The following CEP164 variants were observed in gnomAD, a reference collection of about 807,000 sequenced individuals.
The protein encoded by CEP164 is centrosomal protein of 164 kDa.
Under a neutral mutation model 182.7 loss-of-function variants are expected in CEP164, and 162 were observed. That is an observed-to-expected ratio of 0.89 (90% CI 0.78 to 1.01). The LOEUF (loss-of-function observed/expected upper bound fraction) is 1.01. Ranked by LOEUF, CEP164 falls within the 50% of genes least tolerant of loss-of-function variation. The pLI, the probability that CEP164 is intolerant of heterozygous loss-of-function variation, is 0.00. For synonymous variants in CEP164, 661 were observed against 690.0 expected (o/e 0.96, Z 0.66); for missense variants, 1,735 against 1,790.4 (o/e 0.97, Z 0.56).
Position 117,394,618 on chromosome 11 carries a change from T to G in CEP164, c.2760+125T>G. On this transcript the variant is annotated intron_variant, in intron 21 of 32. Transcript: ENST00000278935. This position sits in a 1 kb window ranked among gnomAD's most constrained non-coding sequence, Gnocchi z 4.0. ...AGCTTCTGGAGTGAGAGTCTCTCAC[T>G]GGCCATCTCCAAGCTGGGGCATCCT... is the stretch of plus-strand genomic sequence containing the variant. 7.7e-7 allele frequency: 1 copy of G among 1,295,402 alleles called. No individual in the cohort carries two copies. The highest frequency in any genetic ancestry group is 1.5e-5 in the African/African-American group (1 of 67,556). 80.2% of individuals were successfully genotyped at this position (1,295,402 alleles called of 1,614,324 possible). A position where few individuals can be genotyped will look rare whatever the true frequency, so the allele number is the denominator to read the frequency against.
At chr11:117,392,133 G>A (rs1161825760) in intron 17 of CEP164, 93 bp from the exon 18 acceptor site, 13 of 1,126,814 alleles carry the variant, frequency 1.2e-5, no homozygotes, top group Non-Finnish European at 1.6e-5. Flanking sequence ...CCCTGATCTC[G>A]AGGGCTTGGG....
rs778101187 is a variant in CEP164, at chr11:117,409,057, C to T, written c.3748+29C>T. 9.3e-6 allele frequency: 15 copies of T among 1,613,222 alleles called. No homozygotes were observed. The highest frequency in any genetic ancestry group is 3.3e-5 in the Admixed American group (2 of 60,002). On this transcript the variant is annotated intron_variant, in intron 29 of 32. Coordinates refer to ENST00000278935, the MANE Select transcript of CEP164 (RefSeq NM_014956.5). The surrounding 1 kb of genome is among the most constrained non-coding windows in gnomAD (Gnocchi z 4.4). ...AGTGGGGGAGATGCGGGGTGAGGAC[C>T]ATGGTATCCATGGAATGGGAGGAAC...
intron 4 of CEP164, among the ~76,000 whole-genome samples, chr11:117,345,983 T>C (rs1448672099): frequency 6.6e-6 from 1 of 151,982 alleles, no homozygotes; most frequent in Non-Finnish European, 1.5e-5. Context: ...GCCCGGCCTG[T>C]TCTCTTGATC....
At chr11:117,400,137 T>C (rs1252263625) in intron 27 of CEP164, among the ~76,000 whole-genome samples, 2 of 152,250 alleles carry the variant, frequency 1.3e-5, no homozygotes, top group Non-Finnish European at 2.9e-5. Flanking sequence ...TTTAAGTCTT[T>C]AATCCATCTC....
At chr11:117,362,918 G>T (rs1358617713) in intron 7 of CEP164, among the ~76,000 whole-genome samples, 3 of 152,126 alleles carry the variant, frequency 2.0e-5, no homozygotes, top group African/African-American at 7.2e-5. Context: ...TACAATGTTT[G>T]TCCTTTTGTG....
chr11:117,365,845 G>C (rs2041581344), intron 8 of CEP164, among the ~76,000 whole-genome samples: 1 of 152,188 alleles, frequency 6.6e-6, no homozygotes, highest in African/African-American at 2.4e-5. Context: ...TTCCCAAGGT[G>C]CTGGGATTAC....
intron 4 of CEP164, 100 bp from the exon 5 acceptor site, chr11:117,351,690 C>T (rs1458169070): frequency 5.5e-6 from 6 of 1,098,174 alleles, no homozygotes; most frequent in East Asian, 2.4e-5. Context: ...CTCTCTTCCT[C>T]CTCTTTCACC....
chr11:117,390,239 G>A (rs2044461944), intron 15 of CEP164, among the ~76,000 whole-genome samples: 1 of 151,628 alleles, frequency 6.6e-6, no homozygotes, highest in Non-Finnish European at 1.5e-5. Context: ...CACCACGCCC[G>A]GCCATTAGTT....
At chr11:117,363,583 G>T in intron 8 of CEP164, 77 bp downstream of exon 8, 1 of 1,020,412 alleles carries the variant, frequency 9.8e-7, no homozygotes, top group Non-Finnish European at 1.5e-6. Flanking sequence ...CTGCTACTTT[G>T]TTGTAATGCA....
At chr11:117,372,794 G>C (rs2042349559) in intron 9 of CEP164, among the ~76,000 whole-genome samples, 1 of 152,216 alleles carries the variant, frequency 6.6e-6, no homozygotes, top group South Asian at 2.1e-4. Flanking sequence ...AGAGAACATT[G>C]TGTGTCGTGA....
chr11:117,373,715 G>C (rs2042456691), intron 9 of CEP164, 36 bp from the exon 10 acceptor site: 5 of 1,584,324 alleles, frequency 3.2e-6, no homozygotes, highest in Non-Finnish European at 4.3e-6. Context: ...TTTGTGCTCT[G>C]CTCTGAGGGA....
intron 26 of CEP164, 131 bp from the exon 27 acceptor site, chr11:117,396,960 C>T (rs1353398145): frequency 3.7e-6 from 3 of 809,936 alleles, no homozygotes; most frequent in South Asian, 1.8e-5. Context: ...TCCCTGCACT[C>T]ACAGTGCCCA....
At chr11:117,350,635 T>G (rs985535082) in intron 4 of CEP164, among the ~76,000 whole-genome samples, 1 of 152,200 alleles carries the variant, frequency 6.6e-6, no homozygotes, top group African/African-American at 2.4e-5. Context: ...CTCTTTTGTT[T>G]GAATTGAGAT....
chr11:117,366,465 A>T (rs1391231268), intron 8 of CEP164, among the ~76,000 whole-genome samples: 1 of 152,148 alleles, frequency 6.6e-6, no homozygotes, highest in Non-Finnish European at 1.5e-5. Context: ...TACAGACTGA[A>T]GAGAGAGAGG....
intron 4 of CEP164, among the ~76,000 whole-genome samples, chr11:117,346,517 A>G (rs933173113): frequency 1.3e-5 from 2 of 151,456 alleles, no homozygotes; most frequent in African/African-American, 4.8e-5. Context: ...TTGTCCTCCC[A>G]AAGTGCTGGG....
chr11:117,390,717 T>A, intron 15 of CEP164, 60 bp from the exon 16 acceptor site: 1 of 1,605,600 alleles, frequency 6.2e-7, no homozygotes, highest in South Asian at 1.1e-5. Context: ...CCATAGCTTA[T>A]GAATAGAAGA....
intron 8 of CEP164, among the ~76,000 whole-genome samples, chr11:117,370,713 C>T (rs12417440): frequency 0.16 from 24,727 of 152,038 alleles, 2,405 homozygotes; most frequent in Admixed American, 0.23. Flanking sequence ...GAGTTTGAGA[C>T]CAGCCTGGCC....
intron 1 of CEP164, among the ~76,000 whole-genome samples, chr11:117,332,463 C>T (rs1445774988): frequency 6.6e-6 from 1 of 152,124 alleles, no homozygotes; most frequent in Non-Finnish European, 1.5e-5. Context: ...GTAATCCCAG[C>T]TACTCAGGAG....
chr11:117,328,090 C>G (rs941178071), intron 1 of CEP164, 186 bp downstream of exon 1: 4 of 152,276 alleles, frequency 2.6e-5, no homozygotes, highest in African/African-American at 4.8e-5. Flanking sequence ...GTGATGCGCT[C>G]GAGTGTGGGC....
Sources: allele counts gnomAD v4.1 joint callset (sites outside exome capture counted in the v4.1 genomes callset), GRCh38; gene constraint gnomAD v4.1.1; non-coding constraint Gnocchi (gnomAD v3.1); transcripts MANE v1.5; gene names NCBI Gene and HGNC (gene_info 2026-07-23, HGNC 2026-07-21).